The following COG3 variants were observed in gnomAD, a reference collection of about 807,000 sequenced individuals.
The protein encoded by COG3 is conserved oligomeric Golgi complex subunit 3.
In COG3, 32 loss-of-function variants were observed where a neutral mutation model predicts 114.1. The ratio of observed to expected loss-of-function variants is 0.28; its 90% CI spans 0.21 to 0.38. The LOEUF (loss-of-function observed/expected upper bound fraction) is 0.38, where lower values mean the gene tolerates loss of function less well. Ranked by LOEUF, COG3 falls within the 10% of genes least tolerant of loss-of-function variation. The pLI, the probability that COG3 is intolerant of heterozygous loss-of-function variation, is 1.00. For synonymous variants in COG3, 352 were observed against 365.7 expected, an observed-to-expected ratio of 0.96 and a Z score of 0.43; for missense variants, 813 against 973.2, an observed-to-expected ratio of 0.84 and a Z score of 2.19.
At chr13:45,497,409 CT>C (rs1401808511) in intron 13 of COG3, among the ~76,000 whole-genome samples, 1 of 152,160 alleles carries the variant, frequency 6.6e-6, no homozygotes, top group Non-Finnish European at 1.5e-5. Flanking sequence ...ATTACCTCAG[CT>C]TCAACATGGC....
intron 14 of COG3, among the ~76,000 whole-genome samples, chr13:45,506,024 G>C (rs142428507): frequency 4.6e-5 from 7 of 152,262 alleles, no homozygotes; most frequent in Non-Finnish European, 8.8e-5. Flanking sequence ...AGCCTCCCAA[G>C]TAGCTGGGAG....
At chr13:45,504,340 C>T (rs995397163) in intron 14 of COG3, among the ~76,000 whole-genome samples, 1 of 152,202 alleles carries the variant, frequency 6.6e-6, no homozygotes, top group Non-Finnish European at 1.5e-5. Flanking sequence ...GCTGAAATTT[C>T]CTCCTCTGCA....
At chr13:45,487,196 G>A (rs1460037517) in intron 8 of COG3, among the ~76,000 whole-genome samples, 1 of 152,180 alleles carries the variant, frequency 6.6e-6, no homozygotes, top group Non-Finnish European at 1.5e-5. Context: ...ATATTCATAT[G>A]CAGAAAAATG....
intron 13 of COG3, 112 bp from the exon 14 acceptor site, chr13:45,503,123 ATCTGAATAG>A (rs376026293): frequency 5.3e-5 from 25 of 467,768 alleles, no homozygotes; most frequent in African/African-American, 4.3e-4. Context: ...CCAGTCTTAA[ATCTGAATAG>A]TTTCCAAATG....
chr13:45,489,390 C>A (rs1886887376), intron 8 of COG3, among the ~76,000 whole-genome samples: 1 of 150,022 alleles, frequency 6.7e-6, no homozygotes, highest in Admixed American at 6.7e-5. Context: ...AGATGTCTAA[C>A]TGGATGTCAG....
chr13:45,510,499 A>G (rs1241730362), intron 15 of COG3, among the ~76,000 whole-genome samples: 1 of 152,178 alleles, frequency 6.6e-6, no homozygotes, highest in East Asian at 1.9e-4. Context: ...TTTATTGAAT[A>G]ATGATATTAG....
intron 6 of COG3, among the ~76,000 whole-genome samples, chr13:45,482,839 T>C (rs1317935526): frequency 6.6e-6 from 1 of 152,216 alleles, no homozygotes; most frequent in Non-Finnish European, 1.5e-5. Flanking sequence ...AAAGTGTTAC[T>C]TGGGGGGAAA....
At chr13:45,507,271 C>T (rs776441161) in intron 14 of COG3, among the ~76,000 whole-genome samples, 1 of 152,182 alleles carries the variant, frequency 6.6e-6, no homozygotes, top group Non-Finnish European at 1.5e-5. Context: ...ATAAATATTT[C>T]ATCTCCTAAA....
intron 2 of COG3, 64 bp from the exon 3 acceptor site, chr13:45,478,941 A>G: frequency 8.9e-7 from 1 of 1,125,608 alleles, no homozygotes; most frequent in South Asian, 1.3e-5. Context: ...GCTGCTTAGC[A>G]TGTAGCCACT....
intron 1 of COG3, among the ~76,000 whole-genome samples, chr13:45,475,447 A>G (rs979791370): frequency 4.0e-5 from 6 of 151,566 alleles, no homozygotes; most frequent in Non-Finnish European, 7.4e-5. Flanking sequence ...CAAGTGATCC[A>G]CCCAACTCTG....
chr13:45,534,860 G>A lies in COG3; in HGVS notation c.*129G>A. 7.5e-7 allele frequency: 1 copy of A among 1,325,090 alleles called. No individual in the cohort carries two copies. Among genetic ancestry groups the A allele is most frequent in the Non-Finnish European group, 9.6e-7 (1 of 1,039,370 alleles). 82.1% of individuals were successfully genotyped at this position (1,325,090 alleles called of 1,614,324 possible). A position where few individuals can be genotyped will look rare whatever the true frequency, so the allele number is the denominator to read the frequency against. On this transcript the variant is annotated 3_prime_UTR_variant, in exon 23 of 23. Transcript: ENST00000349995. ...GAGAACCACACGAGCGTGCTGCTCA[G>A]TGCTGACTGCAGAATGAAATAGAAG...
chr13:45,525,295 A>G (rs1192113067), intron 20 of COG3, among the ~76,000 whole-genome samples: 1 of 152,070 alleles, frequency 6.6e-6, no homozygotes, highest in African/African-American at 2.4e-5. Context: ...AAAATAAAAT[A>G]TGGCTAAGAT....
intron 20 of COG3, among the ~76,000 whole-genome samples, chr13:45,525,553 G>A (rs564654993): frequency 1.4e-5 from 2 of 140,690 alleles, no homozygotes; most frequent in East Asian, 4.3e-4. Flanking sequence ...CAATACTATT[G>A]TCTGATTGGC....
Position 45,477,955 on chromosome 13 carries a change from A to C in COG3, c.322-1050A>C, listed in dbSNP as rs76407264. On this transcript the variant is annotated intron_variant, in intron 2 of 22. Coordinates refer to ENST00000349995, the MANE Select transcript of COG3 (RefSeq NM_031431.4). ...AGTCCATATTCTTAAACCACTCTGT[A>C]ATATTATTTTTGAGTTATAGCCTCA... Among the ~76,000 whole-genome samples, 1,503 of 152,092 alleles carry C rather than the reference A, an allele frequency of 9.9e-3. 31 individuals carry two copies. Among genetic ancestry groups the C allele is most frequent in the African/African-American group, 0.034 (1,395 of 41,488 alleles).
Position 45,535,109 on chromosome 13 carries a change from G to GT in COG3, c.*379dup. On this transcript the variant is annotated 3_prime_UTR_variant, in exon 23 of 23. Transcript: ENST00000349995. ...AGAAATCAAGCGAATTAGAAGGCCT[G>GT]TAAGAGTAAGGTTTGCTAAAACGTG... The GT allele has an allele frequency of 9.8e-7, 1 of 1,018,772 alleles. No individual in the cohort carries two copies. 63.1% of individuals were successfully genotyped at this position (1,018,772 alleles called of 1,614,324 possible).
At chr13:45,494,868 T>G (rs1868558751) in intron 12 of COG3, among the ~76,000 whole-genome samples, 1 of 148,056 alleles carries the variant, frequency 6.8e-6, no homozygotes, top group African/African-American at 2.5e-5. Flanking sequence ...TCTTTTCTTT[T>G]TTTTTTTTTT....
Position 45,496,325 on chromosome 13 carries a change from T to A in COG3, c.1488+13T>A, listed in dbSNP as rs1868767616. 1.3e-6 allele frequency: 2 copies of A among 1,547,368 alleles called. No individual in the cohort carries two copies. The highest frequency in any genetic ancestry group is 8.7e-7 in the Non-Finnish European group (1 of 1,144,686). On this transcript the variant is annotated intron_variant, in intron 13 of 22. Transcript: ENST00000349995. ...AGTCATGATGGAGGTAGGATCTCCT[T>A]ACTTGATCTCCCGTCTGCCCCCACA...
At chr13:45,516,310 C>A (rs1311324178) in intron 17 of COG3, 47 bp downstream of exon 17, 1 of 1,425,134 alleles carries the variant, frequency 7.0e-7, no homozygotes, top group African/African-American at 1.4e-5. Flanking sequence ...TTGATCTGTC[C>A]AGATGTGTCA....
intron 11 of COG3, among the ~76,000 whole-genome samples, chr13:45,492,929 A>G (rs1887104642): frequency 6.6e-6 from 1 of 152,334 alleles, no homozygotes; most frequent in East Asian, 1.9e-4. Context: ...ATCTAAATCT[A>G]TAAGTATTCA....
Sources: gnomAD v4.1 joint callset for allele counts (sites outside exome capture counted in the v4.1 genomes callset) on GRCh38, gnomAD v4.1.1 for gene constraint, MANE v1.5 for transcripts, NCBI Gene and HGNC (gene_info 2026-07-23, HGNC 2026-07-21) for gene names.